The following DCC variants were observed in gnomAD, a reference collection of about 807,000 sequenced individuals.
The protein encoded by DCC is DCC netrin 1 receptor.
DCC carries 58 observed loss-of-function variants against 172.5 expected under a neutral mutation model. That is an observed-to-expected ratio of 0.34 (90% CI 0.27 to 0.42). The LOEUF (loss-of-function observed/expected upper bound fraction) is 0.42, where lower values mean the gene tolerates loss of function less well. DCC is among the 10% of genes least tolerant of loss of function. The pLI is 1.00. For synonymous variants in DCC, 709 were observed against 644.5 expected (o/e 1.10, Z -1.52); for missense variants, 1,740 against 1,791.0 (o/e 0.97, Z 0.51).
rs117985637 is a variant in DCC, at chr18:53,328,145, G to C, written c.2164+5988G>C. 5.5e-3 allele frequency among the ~76,000 whole-genome samples: 845 copies of C among 152,296 alleles called. 6 individuals carry two copies. The highest frequency in any genetic ancestry group is 0.025 in the Admixed American group (376 of 15,296). On this transcript the variant is annotated intron_variant, in intron 14 of 28. Coordinates refer to ENST00000442544, the MANE Select transcript of DCC (RefSeq NM_005215.4). ...TTCCACTGTACAAAGGATGGCACAGGTTGCTTTGACTTAGATAAAAGTTCA... is the reference window on the plus strand; with the variant it reads ...TTCCACTGTACAAAGGATGGCACAGCTTGCTTTGACTTAGATAAAAGTTCA...
At chr18:52,538,941 G>A (rs2032362509) in intron 1 of DCC, among the ~76,000 whole-genome samples, 1 of 152,214 alleles carries the variant, frequency 6.6e-6, no homozygotes, top group East Asian at 1.9e-4. Context: ...GGATGACATG[G>A]CCTCGGTACT....
intron 5 of DCC, among the ~76,000 whole-genome samples, chr18:53,008,833 T>C (rs2041685220): frequency 6.6e-6 from 1 of 152,030 alleles, no homozygotes. Context: ...ATAGTAGCAC[T>C]GGTTTTTAAA....
intron 1 of DCC, among the ~76,000 whole-genome samples, chr18:52,614,063 AT>A (rs993268545): frequency 1.3e-5 from 2 of 151,914 alleles, no homozygotes; most frequent in Middle Eastern, 3.4e-3. Context: ...CGCTTTCCAA[AT>A]TTTTTTTTCT....
intron 12 of DCC, among the ~76,000 whole-genome samples, chr18:53,270,769 C>G (rs2056739778): frequency 6.6e-6 from 1 of 152,052 alleles, no homozygotes; most frequent in South Asian, 2.1e-4. Context: ...GCAGATTTAT[C>G]CAAAGTACTT....
At chr18:53,296,735 T>G in intron 12 of DCC, among the ~76,000 whole-genome samples, 1 of 152,196 alleles carries the variant, frequency 6.6e-6, no homozygotes. Context: ...CAGGGCCTCA[T>G]GCATACTGGG....
At chr18:52,969,653 T>C (rs2040997685) in intron 5 of DCC, among the ~76,000 whole-genome samples, 1 of 146,174 alleles carries the variant, frequency 6.8e-6, no homozygotes, top group South Asian at 2.3e-4. Context: ...CTCTCTCTCT[T>C]TCTCATCAGT....
At chr18:52,531,853 C>T (rs898383733) in intron 1 of DCC, among the ~76,000 whole-genome samples, 8 of 152,068 alleles carry the variant, frequency 5.3e-5, no homozygotes, top group African/African-American at 1.7e-4. Flanking sequence ...AATAGTGAAG[C>T]CAATTCTATT....
chr18:52,808,382 G>A (rs941499976), intron 2 of DCC, among the ~76,000 whole-genome samples: 2 of 145,070 alleles, frequency 1.4e-5, no homozygotes, highest in Non-Finnish European at 3.0e-5. Flanking sequence ...TTCTGACTAA[G>A]TGACTCAATC....
At chr18:52,596,435 G>A (rs1022687490) in intron 1 of DCC, among the ~76,000 whole-genome samples, 2 of 152,114 alleles carry the variant, frequency 1.3e-5, no homozygotes, top group Admixed American at 6.6e-5. Context: ...TTCTCAAAGC[G>A]TGATCACTGA....
At chr18:52,381,160 AT>A (rs1217757848) in intron 1 of DCC, among the ~76,000 whole-genome samples, 7 of 152,136 alleles carry the variant, frequency 4.6e-5, no homozygotes, top group Admixed American at 6.6e-5. Context: ...AAGAAAAAAA[AT>A]CAAATCAAGT....
intron 2 of DCC, among the ~76,000 whole-genome samples, chr18:52,824,777 C>T (rs2038477969): frequency 6.6e-6 from 1 of 151,986 alleles, no homozygotes; most frequent in Non-Finnish European, 1.5e-5. Context: ...CCAAGACCAA[C>T]CTGGCCAACA....
At chr18:53,111,441 A>T (rs1253892673) in intron 7 of DCC, among the ~76,000 whole-genome samples, 1 of 149,478 alleles carries the variant, frequency 6.7e-6, no homozygotes, top group Admixed American at 6.7e-5. Context: ...AAAGAAAGAA[A>T]GATTAAAAAA....
intron 5 of DCC, among the ~76,000 whole-genome samples, chr18:52,986,550 C>T (rs2041295671): frequency 6.6e-6 from 1 of 152,094 alleles, no homozygotes. Flanking sequence ...CTTCTCTCTT[C>T]CATATATCTA....
At chr18:52,986,450 G>A (rs1291269384) in intron 5 of DCC, among the ~76,000 whole-genome samples, 1 of 152,036 alleles carries the variant, frequency 6.6e-6, no homozygotes, top group Non-Finnish European at 1.5e-5. Flanking sequence ...ATAAAGAGTA[G>A]CTCCCACCTC....
intron 5 of DCC, among the ~76,000 whole-genome samples, chr18:53,015,132 C>T (rs2041790702): frequency 6.6e-6 from 1 of 152,136 alleles, no homozygotes; most frequent in Non-Finnish European, 1.5e-5. Flanking sequence ...GATTTTGCCT[C>T]TCGAAAATTC....
At chr18:53,457,938 C>T (rs1349544719) in intron 23 of DCC, among the ~76,000 whole-genome samples, 2 of 152,132 alleles carry the variant, frequency 1.3e-5, no homozygotes, top group Non-Finnish European at 2.9e-5. Context: ...ACAAATTACA[C>T]CACCAAATAT....
At chr18:52,423,621 A>G (rs1414835407) in intron 1 of DCC, among the ~76,000 whole-genome samples, 1 of 152,138 alleles carries the variant, frequency 6.6e-6, no homozygotes, top group Non-Finnish European at 1.5e-5. Context: ...TAGTCAAAAA[A>G]TGACAATTGG....
chr18:52,670,061 A>G (rs2035524473), intron 1 of DCC, among the ~76,000 whole-genome samples: 1 of 152,140 alleles, frequency 6.6e-6, no homozygotes. Context: ...CTCTGAGGGA[A>G]TTGCACTTGA....
chr18:53,034,540 A>T (rs529317133), intron 5 of DCC, among the ~76,000 whole-genome samples: 9 of 152,206 alleles, frequency 5.9e-5, no homozygotes, highest in African/African-American at 2.2e-4. Context: ...CTACCATGCC[A>T]TGCTGGCTCA....
Sources: gnomAD v4.1 joint callset for allele counts (sites outside exome capture counted in the v4.1 genomes callset) on GRCh38, gnomAD v4.1.1 for gene constraint, MANE v1.5 for transcripts, NCBI Gene and HGNC (gene_info 2026-07-23, HGNC 2026-07-21) for gene names.